The following ATP9B variants were observed in gnomAD, a reference collection of about 807,000 sequenced individuals.
The protein encoded by ATP9B is probable phospholipid-transporting ATPase IIB.
Under a neutral mutation model 146.1 loss-of-function variants are expected in ATP9B, and 110 were observed. That is an observed-to-expected ratio of 0.75 (90% CI 0.65 to 0.88). The LOEUF (loss-of-function observed/expected upper bound fraction) is 0.88, where lower values mean the gene tolerates loss of function less well. ATP9B is among the 40% of genes least tolerant of loss of function. The pLI is 0.00. For synonymous variants in ATP9B, 604 were observed against 569.7 expected (o/e 1.06, Z -0.86); for missense variants, 1,499 against 1,496.4 (o/e 1.00, Z -0.03).
chr18:79,286,697 A>G (rs1273607748), intron 13 of ATP9B, among the ~76,000 whole-genome samples: 1 of 152,052 alleles, frequency 6.6e-6, no homozygotes, highest in Non-Finnish European at 1.5e-5. Context: ...GTCTTGTGCC[A>G]GTTTTCAAAG....
intron 25 of ATP9B, 52 bp downstream of exon 25, chr18:79,348,248 G>GAAAAAAAAAAAAAAAAAA: frequency 1.2e-6 from 1 of 822,218 alleles, no homozygotes; most frequent in Admixed American, 2.6e-5. Flanking sequence ...CTTCTATTTT[G>GAAAAAAAAAAAAAAAAAA]AAAAAAAAAA....
intron 15 of ATP9B, among the ~76,000 whole-genome samples, chr18:79,319,774 T>C (rs113186730): frequency 1.3e-5 from 2 of 152,348 alleles, no homozygotes; most frequent in African/African-American, 4.8e-5. Context: ...TGTATGTGAT[T>C]CTCCATGTAA....
At chr18:79,201,694 C>T (rs1054606922) in intron 9 of ATP9B, among the ~76,000 whole-genome samples, 10 of 152,010 alleles carry the variant, frequency 6.6e-5, no homozygotes, top group African/African-American at 2.2e-4. Context: ...CTCAGCCTCC[C>T]GAGCAGTTGG....
chr18:79,268,347 T>C (rs1000348594), intron 12 of ATP9B, among the ~76,000 whole-genome samples: 2 of 152,210 alleles, frequency 1.3e-5, no homozygotes, highest in African/African-American at 4.8e-5. Flanking sequence ...ATTCAATTAT[T>C]ATAATACTGT....
At chr18:79,087,772 C>G (rs897113497) in intron 1 of ATP9B, 1 of 152,112 alleles carries the variant, frequency 6.6e-6, no homozygotes, top group African/African-American at 2.4e-5. Context: ...CTTGAGAGTT[C>G]CTAATTTTTT....
intron 9 of ATP9B, among the ~76,000 whole-genome samples, chr18:79,200,749 G>A: frequency 6.6e-6 from 1 of 152,290 alleles, no homozygotes; most frequent in African/African-American, 2.4e-5. Flanking sequence ...CAGAGCAGAG[G>A]TGGAGGTGGG....
chr18:79,170,110 G>T (rs890493824), intron 7 of ATP9B, among the ~76,000 whole-genome samples: 15 of 152,218 alleles, frequency 9.9e-5, no homozygotes, highest in Admixed American at 9.8e-4. Context: ...AAGGCCAGGA[G>T]CTCTGTTCTG....
At chr18:79,071,049 C>CTTTTTTTT (rs746689031) in intron 1 of ATP9B, among the ~76,000 whole-genome samples, 4 of 112,388 alleles carry the variant, frequency 3.6e-5, no homozygotes, top group South Asian at 2.9e-4. Flanking sequence ...ATTCCTGTTT[C>CTTTTTTTT]TTTTTTTTTT....
chr18:79,359,837 T>C (rs2096977082), intron 26 of ATP9B: 1 of 238,084 alleles, frequency 4.2e-6, no homozygotes, highest in South Asian at 5.8e-5. Context: ...ACAGCGTCAC[T>C]GCACCTGCTG....
Position 79,214,022 on chromosome 18 carries a change from C to A in ATP9B, c.1091C>A (p.Ser364Tyr), listed in dbSNP as rs2095606268. ...GAGACTCGAAGTGTAATGAACACAT[C>A]CAATCCAAAAAATAAGGTAGGCTAG... ...GKETRSVMNT[S>Y]NPKNKVGLLD... Residue 364 changes from serine (S) to tyrosine (Y), a missense_variant, in exon 11 of 30, where the codon TCC becomes TAC. Coordinates refer to ENST00000426216, the MANE Select transcript of ATP9B (RefSeq NM_198531.5). 3 of 1,597,204 alleles carry A rather than the reference C, an allele frequency of 1.9e-6. No homozygotes were observed. Among genetic ancestry groups the A allele is most frequent in the South Asian group, 1.1e-5 (1 of 87,732 alleles).
intron 2 of ATP9B, among the ~76,000 whole-genome samples, chr18:79,105,115 T>TA (rs1234932541): frequency 6.6e-6 from 1 of 152,236 alleles, no homozygotes; most frequent in East Asian, 1.9e-4. Flanking sequence ...ATTCAGGAGA[T>TA]ACCTGCTACA....
At chr18:79,246,405 G>A (rs962360352) in intron 11 of ATP9B, among the ~76,000 whole-genome samples, 7 of 151,964 alleles carry the variant, frequency 4.6e-5, no homozygotes, top group Admixed American at 6.5e-5. Flanking sequence ...GGAGGACACC[G>A]CCCTACTGAC....
intron 20 of ATP9B, chr18:79,343,996 T>G: frequency 1.9e-6 from 1 of 522,032 alleles, no homozygotes; most frequent in Non-Finnish European, 3.4e-6. Flanking sequence ...ATCAGAGTGG[T>G]GATTCCACTG....
chr18:79,117,456 T>A (rs1449895749), intron 4 of ATP9B: 1 of 152,260 alleles, frequency 6.6e-6, no homozygotes, highest in Admixed American at 6.5e-5. Flanking sequence ...TGGAATGACA[T>A]CTTACTGGTA....
At chr18:79,257,489 T>C (rs1046187141) in intron 12 of ATP9B, among the ~76,000 whole-genome samples, 5 of 152,206 alleles carry the variant, frequency 3.3e-5, no homozygotes, top group Non-Finnish European at 7.3e-5. Context: ...TAAACACTGT[T>C]AGTAAAGTCA....
At chr18:79,177,025 T>G in intron 8 of ATP9B, 118 bp downstream of exon 8, 1 of 828,546 alleles carries the variant, frequency 1.2e-6, no homozygotes, top group Non-Finnish European at 1.8e-6. Context: ...GTTTTATAAT[T>G]TCTTTATTCC....
At chr18:79,275,357 A>C (rs1008855975) in intron 12 of ATP9B, among the ~76,000 whole-genome samples, 7 of 152,194 alleles carry the variant, frequency 4.6e-5, no homozygotes, top group Non-Finnish European at 1.5e-5. Context: ...TTCACAGAGA[A>C]TCTTTCTCCA....
chr18:79,121,404 T>C (rs1363086850), intron 4 of ATP9B, among the ~76,000 whole-genome samples: 5 of 152,188 alleles, frequency 3.3e-5, no homozygotes, highest in African/African-American at 2.4e-5. Context: ...AGCAGTGTTA[T>C]AGCATAAATC....
At chr18:79,291,811 C>T (rs1482531132) in intron 13 of ATP9B, among the ~76,000 whole-genome samples, 1 of 152,220 alleles carries the variant, frequency 6.6e-6, no homozygotes, top group Non-Finnish European at 1.5e-5. Context: ...TGTCAGGATA[C>T]ATCGCTCTCT....
Sources: allele counts gnomAD v4.1 joint callset (sites outside exome capture counted in the v4.1 genomes callset), GRCh38; gene constraint gnomAD v4.1.1; transcripts MANE v1.5; gene names NCBI Gene and HGNC (gene_info 2026-07-23, HGNC 2026-07-21).